CDCP1: variants seen among roughly 807,000 people sequenced by gnomAD.
CDCP1 encodes CUB domain-containing protein 1.
A neutral mutation model predicts 60.2 loss-of-function variants in CDCP1; 29 were observed. The observed-to-expected ratio is 0.48, with a 90% CI of 0.36 to 0.66. CDCP1 has a LOEUF of 0.66. Among genes scored for constraint, CDCP1 ranks in the 30% least tolerant of loss-of-function variants. The pLI, the probability that CDCP1 is intolerant of heterozygous loss-of-function variation, is 0.00. For missense variants in CDCP1, 876 were observed against 1,074.3 expected (o/e 0.82, Z 2.58); for synonymous variants, 387 against 431.1 (o/e 0.90, Z 1.27).
intron 1 of CDCP1, among the ~76,000 whole-genome samples, chr3:45,138,895 G>C (rs1429365444): frequency 2.6e-5 from 4 of 152,116 alleles, no homozygotes; most frequent in African/African-American, 9.7e-5. Flanking sequence ...GAAAAGAAAA[G>C]AGGTTTATTT....
rs529416242 is a variant in CDCP1 at position 45,146,217 on chromosome 3, G to C, written c.71C>G (p.Pro24Arg). 6 of 1,595,180 alleles carry C rather than the reference G, an allele frequency of 3.8e-6. No individual in the cohort carries two copies. Among genetic ancestry groups the C allele is most frequent in the Admixed American group, 3.4e-5 (2 of 58,612 alleles). The change falls in exon 1 of 9, where the codon CCG (proline) becomes CGG (arginine). Residue 24 changes from proline to arginine, a missense_variant. Pro to Arg is a moderately radical substitution (Grantham distance 103, BLOSUM62 -2). This residue lies in a region of CDCP1 where 150 missense variants were observed against 138.6 expected (regional missense o/e 1.08). Transcript: ENST00000296129. ...GVLLLGAARL[P>R]RGAEAFEIAL... ...AGCCCGGCACTCACCTGCCCCGCGCGGCAGGCGCGCCGCACCCAGCAGCAG... is the reference window on the plus strand; with the variant it reads ...AGCCCGGCACTCACCTGCCCCGCGCCGCAGGCGCGCCGCACCCAGCAGCAG...
chr3:45,083,675 C>T lies in CDCP1; in HGVS notation c.*1963G>A, dbSNP rs143593142. 6,949 of 151,924 alleles carry T rather than the reference C, an allele frequency of 0.046. 225 individuals are homozygous for T. The highest frequency in any genetic ancestry group is 0.1 in the Middle Eastern group (30 of 296). The allele number at this position is 151,924 out of a possible 1,614,324, so 9.4% of individuals were successfully genotyped here. ...CTGTAATCCCAGCACTTTGGGAGGC[C>T]GAGGCAGGAGGATTGCTTGAGCCCA... On this transcript the variant is annotated 3_prime_UTR_variant, in exon 9 of 9. Transcript: ENST00000296129.
chr3:45,098,151 C>T (rs546421589), intron 4 of CDCP1, among the ~76,000 whole-genome samples: 1 of 151,846 alleles, frequency 6.6e-6, no homozygotes, highest in Non-Finnish European at 1.5e-5. Context: ...CTTACCAAAG[C>T]CATGCATGCA....
rs1359992238 is a variant in CDCP1, at chr3:45,095,439, C to T, written c.1154G>A (p.Ser385Asn). The change falls in exon 5 of 9, where the codon AGC becomes AAC. Residue 385 changes from serine to asparagine, a missense_variant. By Grantham distance (46) the Ser-to-Asn change is conservative. Coordinates refer to ENST00000296129, the MANE Select transcript of CDCP1 (RefSeq NM_022842.5). ...GGAGCCAGATGTCAGGGTGAGGTTG[C>T]TACTGCAGGTCCGAGATTCTAGACA... ...FVCLESRTCSSNLTLTSGSKH... is the reference protein window; with the variant it reads ...FVCLESRTCSNNLTLTSGSKH... 1 of 1,614,162 alleles carries T rather than the reference C, an allele frequency of 6.2e-7. No individual in the cohort carries two copies. The highest frequency in any genetic ancestry group is 8.5e-7 in the Non-Finnish European group (1 of 1,180,014).
Position 45,083,240 on chromosome 3 carries a change from A to G in CDCP1, c.*2398T>C, listed in dbSNP as rs1320297362. ...CTTTGGCCCTTTATGCAGGGTCAGC[A>G]TCTCGGCTCACAAGGCCAAGGGTCA... On this transcript the variant is annotated 3_prime_UTR_variant, in exon 9 of 9. Coordinates refer to ENST00000296129, the MANE Select transcript of CDCP1 (RefSeq NM_022842.5). 6.6e-6 allele frequency: 1 copy of G among 152,212 alleles called. No individual in the cohort carries two copies. The highest frequency in any genetic ancestry group is 2.4e-5 in the African/African-American group (1 of 41,452). The allele number at this position is 152,212 out of a possible 1,614,324, so 9.4% of individuals were successfully genotyped here.
intron 1 of CDCP1, among the ~76,000 whole-genome samples, chr3:45,145,582 C>T (rs375451805): frequency 1.1e-4 from 16 of 152,230 alleles, no homozygotes; most frequent in African/African-American, 3.6e-4. Flanking sequence ...AGATGCCTGG[C>T]GGCTTTCTCT....
In CDCP1 at chr3:45,091,904, C is replaced by T. The variant is rs1378986932; in HGVS notation, c.1628-366G>A. 1.3e-5 allele frequency among the ~76,000 whole-genome samples: 2 copies of T among 152,212 alleles called. No homozygotes were observed. The highest frequency in any genetic ancestry group is 2.4e-5 in the African/African-American group (1 of 41,440). On this transcript the variant is annotated intron_variant, in intron 6 of 8. Coordinates refer to ENST00000296129, the MANE Select transcript of CDCP1 (RefSeq NM_022842.5). The surrounding 1 kb of genome is among the most constrained non-coding windows in gnomAD (Gnocchi z 4.8). ...CACCTCTCAGGTTCAAGCAATTCTC[C>T]AGCCTCAGCCTCCCGAGTAGCTAGG...
chr3:45,087,863 C>CA (rs892834886), intron 8 of CDCP1, among the ~76,000 whole-genome samples: 12 of 150,614 alleles, frequency 8.0e-5, no homozygotes, highest in Non-Finnish European at 1.2e-4. Flanking sequence ...ACTAAAAATA[C>CA]AAAAAAAAAT....
At chr3:45,117,842 T>C (rs1698819911) in intron 2 of CDCP1, among the ~76,000 whole-genome samples, 1 of 152,130 alleles carries the variant, frequency 6.6e-6, no homozygotes. Flanking sequence ...TTTGTATTTT[T>C]AGTAGAGACA....
intron 5 of CDCP1, among the ~76,000 whole-genome samples, chr3:45,094,463 A>T (rs1698361232): frequency 6.7e-6 from 1 of 149,654 alleles, no homozygotes; most frequent in Non-Finnish European, 1.5e-5. Flanking sequence ...AGCCTGCCCA[A>T]CCTCAAGTTA....
chr3:45,127,706 A>G (rs1050386358), intron 1 of CDCP1, among the ~76,000 whole-genome samples: 2 of 152,194 alleles, frequency 1.3e-5, no homozygotes, highest in African/African-American at 4.8e-5. Flanking sequence ...AGGACCTGCC[A>G]GGACCTGCCA....
chr3:45,114,695 G>A (rs1698756310), intron 2 of CDCP1, among the ~76,000 whole-genome samples: 1 of 152,188 alleles, frequency 6.6e-6, no homozygotes, highest in Non-Finnish European at 1.5e-5. Flanking sequence ...TTACAGGCAT[G>A]AGCCACCATG....
chr3:45,093,783 C>T, intron 5 of CDCP1, 126 bp from the exon 6 acceptor site: 1 of 1,049,194 alleles, frequency 9.5e-7, no homozygotes, highest in Non-Finnish European at 1.4e-6. Context: ...TCTCTCTTCT[C>T]CCACCCTGCC....
Position 45,091,115 on chromosome 3 carries a change from TC to T in CDCP1, c.1993+57del, listed in dbSNP as rs1209770767. 2.8e-5 allele frequency: 43 copies of T among 1,554,620 alleles called. No homozygotes were observed. The highest frequency in any genetic ancestry group is 1.3e-4 in the Admixed American group (7 of 55,630). ...GACTTGTCTCCAGGCTTGCTCTCTA[TC>T]CTCCAGCTGACAATTTTTTGTTCAT... On this transcript the variant is annotated intron_variant, in intron 7 of 8. Coordinates refer to ENST00000296129, the MANE Select transcript of CDCP1 (RefSeq NM_022842.5). The surrounding 1 kb of genome is among the most constrained non-coding windows in gnomAD (Gnocchi z 4.8).
At chr3:45,137,670 A>AAAT (rs1553611825) in intron 1 of CDCP1, among the ~76,000 whole-genome samples, 1 of 150,258 alleles carries the variant, frequency 6.7e-6, no homozygotes, top group East Asian at 2.0e-4. Flanking sequence ...AAAAAAAAAA[A>AAAT]TTAGCCAGGC....
At chr3:45,100,855 A>T (rs1415371911) in intron 4 of CDCP1, among the ~76,000 whole-genome samples, 1 of 152,204 alleles carries the variant, frequency 6.6e-6, no homozygotes, top group Non-Finnish European at 1.5e-5. Flanking sequence ...ATGGTAGAGG[A>T]TCAATTACAA....
chr3:45,093,621 T>C lies in CDCP1; in HGVS notation c.1283A>G (p.Tyr428Cys). 1 of 1,613,856 alleles carries C rather than the reference T, an allele frequency of 6.2e-7. No homozygotes were observed. Among genetic ancestry groups the C allele is most frequent in the Non-Finnish European group, 8.5e-7 (1 of 1,179,884 alleles). ...TDHRYCQRKSYSLQVPSDILH... is the reference protein window; with the variant it reads ...TDHRYCQRKSCSLQVPSDILH... ...GATGTCACTGGGCACCTGGAGTGAGTAGGATTTCCTTTGGCAGTACCGGTG... is the reference window on the plus strand; with the variant it reads ...GATGTCACTGGGCACCTGGAGTGAGCAGGATTTCCTTTGGCAGTACCGGTG... The change falls in exon 6 of 9, where the codon TAC (tyrosine) becomes TGC (cysteine). Residue 428 changes from tyrosine (Y) to cysteine (C), a missense_variant. Transcript: ENST00000296129.
At chr3:45,140,844 C>T (rs920257795) in intron 1 of CDCP1, among the ~76,000 whole-genome samples, 8 of 152,262 alleles carry the variant, frequency 5.3e-5, no homozygotes, top group Non-Finnish European at 8.8e-5. Context: ...AACCTCAACA[C>T]ATTTTAAACA....
At chr3:45,126,130 C>CTT (rs970630728) in intron 1 of CDCP1, among the ~76,000 whole-genome samples, 1 of 132,192 alleles carries the variant, frequency 7.6e-6, no homozygotes, top group East Asian at 2.1e-4. Flanking sequence ...TTCTTTCTTT[C>CTT]TTTCTTTCTT....
Sources: allele counts gnomAD v4.1 joint callset (sites outside exome capture counted in the v4.1 genomes callset), GRCh38; gene constraint gnomAD v4.1.1; regional missense constraint gnomAD v4.1.1; non-coding constraint Gnocchi (gnomAD v3.1); transcripts MANE v1.5; gene names NCBI Gene and HGNC (gene_info 2026-07-23, HGNC 2026-07-21).